The following SDK1 variants were observed in gnomAD, a reference collection of about 807,000 sequenced individuals.
SDK1 encodes sidekick cell adhesion molecule 1, also known as protein sidekick-1.
SDK1 carries 157 observed loss-of-function variants against 245.5 expected under a neutral mutation model. The ratio of observed to expected loss-of-function variants is 0.64; its 90% CI spans 0.56 to 0.73. The LOEUF is 0.73. Among genes scored for constraint, SDK1 ranks in the 30% least tolerant of loss-of-function variants. The pLI, the probability that SDK1 is intolerant of heterozygous loss-of-function variation, is 0.00. For synonymous variants in SDK1, 1,647 were observed against 1,278.5 expected (o/e 1.29, Z -6.15); for missense variants, 3,583 against 3,002.3 (o/e 1.19, Z -4.52).
At chr7:3,563,591 T>G (rs1247225003) in intron 1 of SDK1, among the ~76,000 whole-genome samples, 1 of 152,214 alleles carries the variant, frequency 6.6e-6, no homozygotes, top group African/African-American at 2.4e-5. Flanking sequence ...CAGAGAGACA[T>G]CAACAGTTGT....
rs186868126 is a variant in SDK1 at position 3,571,453 on chromosome 7, C to T, written c.299-47627C>T. Among the ~76,000 whole-genome samples, 373 of 152,066 alleles carry T rather than the reference C, an allele frequency of 2.5e-3. 8 individuals carry two copies. Among genetic ancestry groups the T allele is most frequent in the South Asian group, 0.018 (87 of 4,808 alleles). On this transcript the variant is annotated intron_variant, in intron 1 of 44. Transcript: ENST00000404826. Reference sequence around the variant, plus strand: ...AAGTAGCCGGAACTACAGGCCCGTACCACCATGCCCAGCTAATTTAAAAAT... The same window carrying T: ...AAGTAGCCGGAACTACAGGCCCGTATCACCATGCCCAGCTAATTTAAAAAT...
intron 22 of SDK1, among the ~76,000 whole-genome samples, chr7:4,085,505 T>C (rs1303779550): frequency 6.6e-6 from 1 of 152,204 alleles, no homozygotes; most frequent in African/African-American, 2.4e-5. Context: ...TGTTTTGTTT[T>C]TTTGCTTCAA....
chr7:4,214,875 C>T (rs1374943154), intron 38 of SDK1, among the ~76,000 whole-genome samples: 3 of 152,264 alleles, frequency 2.0e-5, no homozygotes, highest in Non-Finnish European at 4.4e-5. Context: ...CGTCAGTCTG[C>T]AGGCACCATC....
At chr7:3,705,436 A>G (rs1398763264) in intron 4 of SDK1, among the ~76,000 whole-genome samples, 2 of 76,582 alleles carry the variant, frequency 2.6e-5, no homozygotes, top group East Asian at 5.6e-4. Context: ...ATTTTATTTT[A>G]TTTTATTTTA....
intron 5 of SDK1, among the ~76,000 whole-genome samples, chr7:3,947,663 GTATC>G (rs1012669280): frequency 8.6e-5 from 13 of 150,504 alleles, no homozygotes; most frequent in African/African-American, 2.9e-4. Context: ...AAAAATATCT[GTATC>G]TATATATCTT....
In SDK1 at chr7:3,495,928, C is replaced by A. The variant is rs550661843; in HGVS notation, c.299-123152C>A. Among the ~76,000 whole-genome samples the A allele has an allele frequency of 2.8e-4, 43 of 152,312 alleles. No homozygotes were observed. The South Asian group carries it at 8.5e-3, about 30-fold the overall frequency. On this transcript the variant is annotated intron_variant, in intron 1 of 44. Transcript: ENST00000404826. ...ATCTGTTTCACACTTTTCAAAGCTT[C>A]AGTTCACAGATTCCAGAAGAATTTT...
chr7:4,171,995 C>T (rs1213270654), intron 32 of SDK1, among the ~76,000 whole-genome samples: 4 of 152,208 alleles, frequency 2.6e-5, no homozygotes, highest in Non-Finnish European at 5.9e-5. Flanking sequence ...GGTCCGACAC[C>T]CCTGGGCCAG....
At chr7:4,232,972 G>C (rs545795204) in intron 40 of SDK1, 5 of 305,648 alleles carry the variant, frequency 1.6e-5, no homozygotes, top group Admixed American at 4.5e-5. Flanking sequence ...ATTTACTGTG[G>C]GGAGATATGC....
chr7:3,698,957 A>G (rs1388710225), intron 4 of SDK1, among the ~76,000 whole-genome samples: 1 of 152,180 alleles, frequency 6.6e-6, no homozygotes, highest in Non-Finnish European at 1.5e-5. Flanking sequence ...TACCCAGGAG[A>G]GACATCAGCA....
chr7:4,175,048 T>C (rs1782106491), intron 33 of SDK1, among the ~76,000 whole-genome samples: 1 of 152,230 alleles, frequency 6.6e-6, no homozygotes. Flanking sequence ...CCCTCCCGCT[T>C]TCTGCCATCC....
intron 1 of SDK1, among the ~76,000 whole-genome samples, chr7:3,584,962 A>G (rs1780637550): frequency 1.3e-5 from 2 of 151,910 alleles, no homozygotes; most frequent in Admixed American, 1.3e-4. Context: ...CTGACCTCGT[A>G]ATCTGCCCTC....
intron 35 of SDK1, among the ~76,000 whole-genome samples, chr7:4,202,292 G>C (rs1466911387): frequency 1.3e-5 from 2 of 152,200 alleles, no homozygotes; most frequent in African/African-American, 2.4e-5. Context: ...GTTAGGCTGG[G>C]ATAACAAACA....
At chr7:3,493,286 C>G (rs12669971) in intron 1 of SDK1, among the ~76,000 whole-genome samples, 10,527 of 152,246 alleles carry the variant, frequency 0.069, 475 homozygotes, top group East Asian at 0.22. Context: ...GTCTGTCCAT[C>G]CATCTCCCTA....
At chr7:3,918,551 G>A (rs186248253) in intron 5 of SDK1, among the ~76,000 whole-genome samples, 12 of 152,280 alleles carry the variant, frequency 7.9e-5, no homozygotes, top group East Asian at 1.9e-4. Context: ...CTGATTCTAC[G>A]TGATGGTGAG....
chr7:3,558,159 C>G (rs894746168), intron 1 of SDK1, among the ~76,000 whole-genome samples: 9 of 152,282 alleles, frequency 5.9e-5, no homozygotes, highest in African/African-American at 2.2e-4. Flanking sequence ...TTTTAGCTTA[C>G]AGAAATGACA....
chr7:4,144,768 C>G (rs1300512604), intron 28 of SDK1, among the ~76,000 whole-genome samples: 1 of 152,192 alleles, frequency 6.6e-6, no homozygotes. Context: ...AGTGCAGAGG[C>G]CACTCCACGA....
chr7:3,468,192 C>G (rs1781069040), intron 1 of SDK1, among the ~76,000 whole-genome samples: 1 of 152,090 alleles, frequency 6.6e-6, no homozygotes, highest in Admixed American at 6.6e-5. Flanking sequence ...TCATGCTTTT[C>G]TAGATAACTG....
At chr7:3,489,266 T>A (rs2128604611) in intron 1 of SDK1, among the ~76,000 whole-genome samples, 1 of 152,342 alleles carries the variant, frequency 6.6e-6, no homozygotes, top group East Asian at 1.9e-4. Flanking sequence ...CATAACAATG[T>A]GCAAACAATC....
At chr7:4,031,082 TACACATGCAC>T (rs1207439624) in intron 17 of SDK1, among the ~76,000 whole-genome samples, 1 of 152,124 alleles carries the variant, frequency 6.6e-6, no homozygotes, top group Non-Finnish European at 1.5e-5. Context: ...CATCTATATA[TACACATGCAC>T]ACACATGCAT....
Sources: gnomAD v4.1 joint callset for allele counts (sites outside exome capture counted in the v4.1 genomes callset) on GRCh38, gnomAD v4.1.1 for gene constraint, MANE v1.5 for transcripts, NCBI Gene and HGNC (gene_info 2026-07-23, HGNC 2026-07-21) for gene names.